Variants in RYR1 observed in about 807,000 individuals in gnomAD.
RYR1 encodes ryanodine receptor 1.
A neutral mutation model predicts 583.5 loss-of-function variants in RYR1; 342 were observed. That is an observed-to-expected ratio of 0.59 (90% CI 0.54 to 0.64). The LOEUF is 0.64. Ranked by LOEUF, RYR1 falls within the 30% of genes least tolerant of loss-of-function variation. The pLI is 0.00. For missense variants in RYR1, 6,032 were observed against 6,917.2 expected, an observed-to-expected ratio of 0.87 and a Z score of 4.54; for synonymous variants, 2,791 against 2,822.5, an observed-to-expected ratio of 0.99 and a Z score of 0.35.
At position 38,507,791 on chromosome 19, in the gene RYR1, T is replaced by C. The variant is rs1600856754; in HGVS notation, c.8896T>C (p.Trp2966Arg). 6.2e-7 allele frequency: 1 copy of C among 1,613,348 alleles called. No homozygotes were observed. Among genetic ancestry groups the C allele is most frequent in the Non-Finnish European group, 8.5e-7 (1 of 1,179,318 alleles). ...AFGFLQQLLR[W>R]MDISQEFIAH... is the part of the protein sequence containing the mutation. ...TGGCTTCCTGCAGCAGCTGCTGCGCTGGATGGACATTTCTCAGGAGTTCAT... is the reference window on the plus strand; with the variant it reads ...TGGCTTCCTGCAGCAGCTGCTGCGCCGGATGGACATTTCTCAGGAGTTCAT... Residue 2966 changes from tryptophan to arginine, a missense_variant, in exon 58 of 106, where the codon TGG becomes CGG. Transcript: ENST00000359596.
chr19:38,460,292 G>T (rs1967655964), intron 19 of RYR1, 83 bp from the exon 20 acceptor site: 1 of 1,279,822 alleles, frequency 7.8e-7, no homozygotes, highest in African/African-American at 1.5e-5. Context: ...ATTGATCCCA[G>T]GACTGCTTCC....
In RYR1 at chr19:38,579,901, C is replaced by T; in HGVS notation, c.14365-81C>T. 1.9e-6 allele frequency: 3 copies of T among 1,595,010 alleles called. No homozygotes were observed. In the South Asian group the frequency reaches 3.3e-5, roughly 18 times the overall value. ...CACCCGACCCCCAGGGCACAGCTGA[C>T]TCTCGAGTGGCCCCTACCCTCCAGA... On this transcript the variant is annotated intron_variant, in intron 99 of 105. Coordinates refer to ENST00000359596, the MANE Select transcript of RYR1 (RefSeq NM_000540.3).
At chr19:38,542,679 T>C (rs12459845) in intron 84 of RYR1, among the ~76,000 whole-genome samples, 3,451 of 147,724 alleles carry the variant, frequency 0.023, 95 homozygotes, top group Admixed American at 0.075. Context: ...CCACCACACC[T>C]GGCTAATTTT....
chr19:38,458,402 C>A, intron 18 of RYR1, 110 bp downstream of exon 18: 2 of 1,131,184 alleles, frequency 1.8e-6, no homozygotes, highest in South Asian at 1.3e-5. Flanking sequence ...CTGAAAAGGT[C>A]AACTTTTGAC....
At chr19:38,540,999 C>T (rs1268609565) in intron 84 of RYR1, among the ~76,000 whole-genome samples, 3 of 152,240 alleles carry the variant, frequency 2.0e-5, no homozygotes. Flanking sequence ...CCCAACTACC[C>T]ATCACTCAGC....
rs1202572873 is a variant in RYR1, at chr19:38,494,543, C to T, written c.6466C>T (p.Leu2156Phe). Reference sequence around the variant, plus strand: ...CTCCGTGGAAGACACCATGAGCCTGCTCGAGTGCCTCGGCCAGATCCGCTC... The same window carrying T: ...CTCCGTGGAAGACACCATGAGCCTGTTCGAGTGCCTCGGCCAGATCCGCTC... ...PSSVEDTMSLLECLGQIRSLL... is the reference protein window; with the variant it reads ...PSSVEDTMSLFECLGQIRSLL... Residue 2156 changes from leucine (L) to phenylalanine (F), a missense_variant, in exon 39 of 106, where the codon CTC (leucine) becomes TTC (phenylalanine). Physicochemically the swap from Leu to Phe is conservative, Grantham distance 22. This residue lies in a region of RYR1 where 2,627 missense variants were observed against 2,961.3 expected (regional missense o/e 0.89). Transcript: ENST00000359596. 1.2e-6 allele frequency: 2 copies of T among 1,613,968 alleles called. No homozygotes were observed. The highest frequency in any genetic ancestry group is 2.7e-5 in the African/African-American group (2 of 74,950).
intron 96 of RYR1, 51 bp from the exon 97 acceptor site, chr19:38,575,868 C>A (rs757712607): frequency 6.3e-7 from 1 of 1,597,866 alleles, no homozygotes; most frequent in East Asian, 2.2e-5. Context: ...CAGCTCTGAT[C>A]CCTCTGGCCC....
chr19:38,462,891 CTTTTTTT>C (rs553168266), intron 20 of RYR1, among the ~76,000 whole-genome samples: 2,690 of 78,810 alleles, frequency 0.034, 112 homozygotes, highest in African/African-American at 0.12. Context: ...ACTCTCTCTT[CTTTTTTT>C]TTTTTTTTTT....
chr19:38,486,975 G>T (rs1009759770), intron 34 of RYR1, among the ~76,000 whole-genome samples: 2 of 151,896 alleles, frequency 1.3e-5, no homozygotes, highest in African/African-American at 4.8e-5. Context: ...CAATCTATTT[G>T]CCCATCCATC....
intron 89 of RYR1, among the ~76,000 whole-genome samples, chr19:38,553,945 A>G (rs1829980770): frequency 6.6e-6 from 1 of 152,134 alleles, no homozygotes; most frequent in Non-Finnish European, 1.5e-5. Flanking sequence ...CTGTGTGTAT[A>G]TTATGGTTTA....
Position 38,506,322 on chromosome 19 carries a change from G to T in RYR1, c.8561G>T (p.Gly2854Val). Residue 2854 changes from glycine (G) to valine (V), a missense_variant, in exon 55 of 106, where the codon GGC becomes GTC. Physicochemically the swap from Gly to Val is moderately radical, Grantham distance 109. Coordinates refer to ENST00000359596, the MANE Select transcript of RYR1 (RefSeq NM_000540.3). ...QSAQTYDPRE[G>V]YNPQPPDLSA... ...TCTCAGACCTATGATCCTCGAGAAG[G>T]CTACAACCCTCAGCCCCCCGACCTT... The T allele has an allele frequency of 6.2e-7, 1 of 1,613,694 alleles. No individual in the cohort carries two copies. Among genetic ancestry groups the T allele is most frequent in the Non-Finnish European group, 8.5e-7 (1 of 1,179,824 alleles).
At chr19:38,464,565 C>A in intron 22 of RYR1, 74 bp from the exon 23 acceptor site, 2 of 1,322,322 alleles carry the variant, frequency 1.5e-6, no homozygotes, top group Non-Finnish European at 2.1e-6. Context: ...GCTGGAGACC[C>A]TGAGGCCGTG....
chr19:38,584,831 C>A, intron 101 of RYR1, 112 bp from the exon 102 acceptor site: 1 of 1,306,688 alleles, frequency 7.7e-7, no homozygotes, highest in Non-Finnish European at 1.1e-6. Context: ...GAGGGCAGGG[C>A]CCAGGGCTGT....
Position 38,502,613 on chromosome 19 carries a change from A to G in RYR1, c.7721A>G (p.His2574Arg). ...GCGCCGCTCTTTGCGGGCACAGAAC[A>G]CCGCGCCATCATGGTGGACTCTATG... is the stretch of plus-strand genomic sequence containing the variant. ...KCAPLFAGTE[H>R]RAIMVDSMLH... Residue 2574 changes from histidine (H) to arginine (R), a missense_variant, in exon 48 of 106, where the codon CAC becomes CGC. Physicochemically the swap from His to Arg is conservative, Grantham distance 29. Coordinates refer to ENST00000359596, the MANE Select transcript of RYR1 (RefSeq NM_000540.3). 1 of 1,611,628 alleles carries G rather than the reference A, an allele frequency of 6.2e-7. No individual in the cohort carries two copies.
intron 90 of RYR1, among the ~76,000 whole-genome samples, chr19:38,562,826 G>A (rs1346109302): frequency 1.3e-5 from 2 of 152,140 alleles, no homozygotes; most frequent in African/African-American, 4.8e-5. Flanking sequence ...ATCTTCCCAT[G>A]CCGCCACGCC....
Position 38,527,727 on chromosome 19 carries a change from C to G in RYR1, c.10767C>G (p.Pro3589=), listed in dbSNP as rs771849776. The G allele has an allele frequency of 6.2e-7, 1 of 1,613,990 alleles. No individual in the cohort carries two copies. Among genetic ancestry groups the G allele is most frequent in the African/African-American group, 1.3e-5 (1 of 74,906 alleles). Residue 3589 remains proline (P), a synonymous_variant, in exon 73 of 106, where the codon CCC becomes CCG. Coordinates refer to ENST00000359596, the MANE Select transcript of RYR1 (RefSeq NM_000540.3). ...GTCGCGAGGAGGACGCCGATGACCC[C>G]GAGAAAATCGTGCGCAGAGTCCAGG... ...VPGREEDADD[P]EKIVRRVQEV...
intron 3 of RYR1, 25 bp downstream of exon 3, chr19:38,442,478 C>A: frequency 6.4e-7 from 1 of 1,570,936 alleles, no homozygotes; most frequent in Non-Finnish European, 8.8e-7. Context: ...TGGGGGTGGG[C>A]GGGGTGGCAG....
intron 89 of RYR1, among the ~76,000 whole-genome samples, chr19:38,557,849 G>A (rs1321701938): frequency 6.6e-6 from 1 of 151,660 alleles, no homozygotes; most frequent in East Asian, 1.9e-4. Context: ...GCATGGTGGT[G>A]CATGCCTGTA....
intron 9 of RYR1, among the ~76,000 whole-genome samples, chr19:38,447,878 AAATG>A (rs1017587184): frequency 6.6e-5 from 10 of 150,532 alleles, no homozygotes; most frequent in Admixed American, 5.3e-4. Flanking sequence ...CAAAAATAAA[AAATG>A]AAGTCTCTCT....
Sources: allele counts gnomAD v4.1 joint callset (sites outside exome capture counted in the v4.1 genomes callset), GRCh38; gene constraint gnomAD v4.1.1; regional missense constraint gnomAD v4.1.1; transcripts MANE v1.5; gene names NCBI Gene and HGNC (gene_info 2026-07-23, HGNC 2026-07-21).